Variants in OSBPL10 observed in about 807,000 individuals in gnomAD.
OSBPL10 encodes the protein oxysterol-binding protein-related protein 10.
A neutral mutation model predicts 81.7 loss-of-function variants in OSBPL10; 49 were observed. The ratio of observed to expected loss-of-function variants is 0.60; its 90% CI spans 0.48 to 0.76. The LOEUF is 0.76. Among genes scored for constraint, OSBPL10 ranks in the 30% least tolerant of loss-of-function variants. The probability of loss-of-function intolerance (pLI) is 0.00; values close to 1 mark genes in which losing one functional copy is unlikely to be tolerated. For missense variants in OSBPL10, 923 were observed against 987.8 expected, an observed-to-expected ratio of 0.93 and a Z score of 0.88; for synonymous variants, 419 against 383.6, an observed-to-expected ratio of 1.09 and a Z score of -1.08.
chr3:31,665,863 TA>T (rs768621791), intron 10 of OSBPL10, among the ~76,000 whole-genome samples: 15 of 152,070 alleles, frequency 9.9e-5, no homozygotes, highest in Non-Finnish European at 1.9e-4. Context: ...CCTCCCATGG[TA>T]AGTCCCATCT....
intron 1 of OSBPL10, among the ~76,000 whole-genome samples, chr3:32,067,958 C>A (rs967970132): frequency 1.3e-5 from 2 of 152,190 alleles, no homozygotes; most frequent in African/African-American, 4.8e-5. Flanking sequence ...GTCAGAGGGA[C>A]TGCTTCAAGA....
chr3:32,054,908 T>A (rs538797406), intron 1 of OSBPL10, among the ~76,000 whole-genome samples: 18 of 152,278 alleles, frequency 1.2e-4, no homozygotes, highest in African/African-American at 4.3e-4. Flanking sequence ...TTTGATCCTC[T>A]ACATAAGGTG....
chr3:32,073,841 A>T (rs1699853071), intron 1 of OSBPL10, among the ~76,000 whole-genome samples: 1 of 151,762 alleles, frequency 6.6e-6, no homozygotes, highest in Non-Finnish European at 1.5e-5. Context: ...GCCACTCTTG[A>T]CTCCCTCTTG....
At chr3:31,806,635 A>C (rs1053082450) in intron 4 of OSBPL10, among the ~76,000 whole-genome samples, 1 of 152,204 alleles carries the variant, frequency 6.6e-6, no homozygotes. Flanking sequence ...GACATAATAC[A>C]ATGTCAGGCA....
At position 31,856,670 on chromosome 3, in the gene OSBPL10, CCAATGATT is replaced by C. The variant is rs1422146137; in HGVS notation, c.537+19755_537+19762del. On this transcript the variant is annotated intron_variant, in intron 3 of 11. Coordinates refer to ENST00000396556, the MANE Select transcript of OSBPL10 (RefSeq NM_017784.5). ...AGATGCAGCATATCTTACTTTTCAC[CCAATGATT>C]TGGGAAAGAAAATAAAACAGCTTTA... is the stretch of plus-strand genomic sequence containing the variant. Among the ~76,000 whole-genome samples the C allele has an allele frequency of 2.0e-5, 3 of 152,262 alleles. No individual in the cohort carries two copies. In the East Asian group the frequency reaches 5.8e-4, roughly 29 times the overall value.
intron 4 of OSBPL10, chr3:31,796,180 A>C: frequency 5.0e-6 from 1 of 198,070 alleles, no homozygotes; most frequent in Admixed American, 5.1e-5. Context: ...TTATGAGTGC[A>C]AGGAATGTGG....
At chr3:31,709,411 T>G (rs955911595) in intron 6 of OSBPL10, 12 of 150,898 alleles carry the variant, frequency 8.0e-5, no homozygotes, top group African/African-American at 2.9e-4. Flanking sequence ...GGGGAGAGAG[T>G]GGGGGCATTT....
At chr3:31,807,356 G>C (rs969415427) in intron 4 of OSBPL10, among the ~76,000 whole-genome samples, 13 of 149,914 alleles carry the variant, frequency 8.7e-5, no homozygotes, top group African/African-American at 3.0e-4. Flanking sequence ...CTGGGCGACA[G>C]AGCAAGACTG....
At chr3:32,023,029 T>G (rs925166957) in intron 2 of OSBPL10, among the ~76,000 whole-genome samples, 1 of 152,144 alleles carries the variant, frequency 6.6e-6, no homozygotes, top group African/African-American at 2.4e-5. Flanking sequence ...TGTTAAGATA[T>G]CTTTAGTTTC....
chr3:31,806,840 A>G (rs1202772703), intron 4 of OSBPL10, among the ~76,000 whole-genome samples: 1 of 152,006 alleles, frequency 6.6e-6, no homozygotes, highest in East Asian at 1.9e-4. Flanking sequence ...GGTGAGTGCA[A>G]TGGCCTTCAA....
chr3:31,930,003 C>CAAACAAAAAAAAAAAAAA lies in OSBPL10; in HGVS notation c.282-50174_282-50173insTTTTTTTTTTTTTTGTTT, dbSNP rs1306473764. Among the ~76,000 whole-genome samples the CAAACAAAAAAAAAAAAAA allele has an allele frequency of 6.1e-4, 44 of 72,536 alleles. 12 individuals are homozygous for CAAACAAAAAAAAAAAAAA. The highest frequency in any genetic ancestry group is 8.3e-4 in the Non-Finnish European group (32 of 38,412). 47.6% of individuals were successfully genotyped at this position (72,536 alleles called of 152,430 possible). ...GATCAAGTGAGACCCTGTCACCAAC[C>CAAACAAAAAAAAAAAAAA]AAAAAAAAAAAAAAAAAAAAAAACA... is the stretch of plus-strand genomic sequence containing the variant. On this transcript the variant is annotated intron_variant, in intron 1 of 11. Coordinates refer to ENST00000396556, the MANE Select transcript of OSBPL10 (RefSeq NM_017784.5).
intron 4 of OSBPL10, among the ~76,000 whole-genome samples, chr3:31,812,865 T>C (rs1699745620): frequency 6.7e-6 from 1 of 149,868 alleles, no homozygotes; most frequent in African/African-American, 2.4e-5. Flanking sequence ...TCCAATAACA[T>C]GTGAGAAGGA....
At chr3:31,883,542 G>GTTTTTT (rs59059225) in intron 1 of OSBPL10, among the ~76,000 whole-genome samples, 1 of 138,908 alleles carries the variant, frequency 7.2e-6, no homozygotes, top group Non-Finnish European at 1.5e-5. Flanking sequence ...TTTTTTTGTT[G>GTTTTTT]TTTTTTTTTT....
chr3:31,694,914 C>A (rs940553187), intron 7 of OSBPL10, among the ~76,000 whole-genome samples: 15 of 152,150 alleles, frequency 9.9e-5, no homozygotes, highest in Non-Finnish European at 2.9e-5. Context: ...GCCACCATGC[C>A]CAGCTAATTT....
chr3:31,977,326 A>G lies in OSBPL10; in HGVS notation c.281+3573T>C, dbSNP rs1296926740. Among the ~76,000 whole-genome samples, 5 of 152,292 alleles carry G rather than the reference A, an allele frequency of 3.3e-5. No individual in the cohort carries two copies. The East Asian group carries it at 5.8e-4, about 18-fold the overall frequency. On this transcript the variant is annotated intron_variant, in intron 1 of 11. Coordinates refer to ENST00000396556, the MANE Select transcript of OSBPL10 (RefSeq NM_017784.5). ...CCAACCCCCAGCCCAGGCCGCCAGC[A>G]TCTCTTTCCTGGACCACTCAGATGG...
chr3:31,734,385 T>C (rs1477070221), intron 5 of OSBPL10, among the ~76,000 whole-genome samples: 3 of 152,190 alleles, frequency 2.0e-5, no homozygotes, highest in Non-Finnish European at 2.9e-5. Flanking sequence ...CACCTACTAA[T>C]AGAAACAGGA....
chr3:31,938,879 C>A (rs933979847), intron 1 of OSBPL10, among the ~76,000 whole-genome samples: 25 of 152,248 alleles, frequency 1.6e-4, no homozygotes, highest in African/African-American at 5.8e-4. Context: ...CAGACGATAA[C>A]CTCACCTCCT....
In OSBPL10 at chr3:32,055,265, G is replaced by A. The variant is rs370139539; in HGVS notation, n.186-8662C>T. ...GTCGCCCAGGCTGGAGTGCAGTGGCGGGATCTCGGCTCACTGCATCCTCTG... is the reference window on the plus strand; with the variant it reads ...GTCGCCCAGGCTGGAGTGCAGTGGCAGGATCTCGGCTCACTGCATCCTCTG... On this transcript the variant is annotated intron_variant and non_coding_transcript_variant, in intron 1 of 3. Transcript: ENST00000479173. Among the ~76,000 whole-genome samples the A allele has an allele frequency of 2.1e-3, 306 of 147,056 alleles. 3 individuals are homozygous for A. Among genetic ancestry groups the A allele is most frequent in the African/African-American group, 7.4e-3 (289 of 39,276 alleles).
At chr3:31,795,778 G>C (rs906628839) in intron 4 of OSBPL10, 2 of 239,340 alleles carry the variant, frequency 8.4e-6, no homozygotes, top group Non-Finnish European at 1.9e-5. Context: ...TAGTTGTGGG[G>C]AATGTGGGAA....
Sources: gnomAD v4.1 joint callset for allele counts (sites outside exome capture counted in the v4.1 genomes callset) on GRCh38, gnomAD v4.1.1 for gene constraint, MANE v1.5 for transcripts, NCBI Gene and HGNC (gene_info 2026-07-23, HGNC 2026-07-21) for gene names.